TJP1: variants seen among roughly 807,000 people sequenced by gnomAD.
The protein encoded by TJP1 is tight junction protein ZO-1.
In TJP1, 43 loss-of-function variants were observed where a neutral mutation model predicts 194.2. The observed-to-expected ratio is 0.22, with a 90% CI of 0.17 to 0.29. TJP1 has a LOEUF of 0.29. Ranked by LOEUF, TJP1 falls within the 10% of genes least tolerant of loss-of-function variation. The pLI is 1.00. For missense variants in TJP1, 1,971 were observed against 2,185.7 expected, an observed-to-expected ratio of 0.90 and a Z score of 1.96; for synonymous variants, 801 against 779.0, an observed-to-expected ratio of 1.03 and a Z score of -0.47.
intron 2 of TJP1, among the ~76,000 whole-genome samples, chr15:29,936,778 C>T (rs989739228): frequency 6.6e-6 from 1 of 152,184 alleles, no homozygotes; most frequent in Non-Finnish European, 1.5e-5. Flanking sequence ...GAATGAAGTA[C>T]TGTTATTGCT....
chr15:29,821,905 A>C (rs2050396910), intron 1 of TJP1, 97 bp downstream of exon 1: 1 of 1,092,986 alleles, frequency 9.1e-7, no homozygotes, highest in Non-Finnish European at 1.1e-6. Context: ...GGGCCCAGAC[A>C]GCCGCCAGCG....
intron 2 of TJP1, among the ~76,000 whole-genome samples, chr15:29,859,640 T>TG (rs1235374935): frequency 1.3e-5 from 2 of 152,098 alleles, no homozygotes; most frequent in Non-Finnish European, 2.9e-5. Context: ...TAATCTGGGT[T>TG]GGGGAGTGGC....
At chr15:29,767,452 C>T (rs1208547211) in intron 4 of TJP1, among the ~76,000 whole-genome samples, 2 of 152,150 alleles carry the variant, frequency 1.3e-5, no homozygotes, top group African/African-American at 2.4e-5. Context: ...TGGTTTCACT[C>T]GCATTCCCCC....
At chr15:29,896,114 T>C (rs2152181000) in intron 2 of TJP1, among the ~76,000 whole-genome samples, 1 of 152,274 alleles carries the variant, frequency 6.6e-6, no homozygotes, top group South Asian at 2.1e-4. Flanking sequence ...AGCATATGAA[T>C]TTTGAGGGAG....
At chr15:29,768,606 C>G (rs1457548210) in intron 4 of TJP1, among the ~76,000 whole-genome samples, 2 of 152,092 alleles carry the variant, frequency 1.3e-5, no homozygotes, top group Non-Finnish European at 2.9e-5. Flanking sequence ...GTATGTATAC[C>G]TATCCAGCCC....
intron 2 of TJP1, among the ~76,000 whole-genome samples, chr15:29,930,608 T>C (rs1487721196): frequency 6.9e-6 from 1 of 144,166 alleles, no homozygotes; most frequent in Non-Finnish European, 1.5e-5. Context: ...TACAAAAACA[T>C]ACAGCAAATA....
rs1393418046 is a variant in TJP1 at position 29,700,201 on chromosome 15, A to G, written c.*1394T>C. 2 of 398,882 alleles carry G rather than the reference A, an allele frequency of 5.0e-6. No homozygotes were observed. The highest frequency in any genetic ancestry group is 4.1e-5 in the African/African-American group (2 of 48,640). 24.7% of individuals were successfully genotyped at this position (398,882 alleles called of 1,614,324 possible). On this transcript the variant is annotated 3_prime_UTR_variant, in exon 28 of 28. Coordinates refer to ENST00000614355, the MANE Select transcript of TJP1 (RefSeq NM_001330239.4). ...GAGATTTAGAAATTTGAGATTTTTA[A>G]TAACGGCAAAAGAAATTCAGTCACA...
intron 2 of TJP1, among the ~76,000 whole-genome samples, chr15:29,928,867 A>C (rs796270657): frequency 1.3e-5 from 2 of 151,928 alleles, no homozygotes; most frequent in Non-Finnish European, 2.9e-5. Flanking sequence ...GCGTGAACCC[A>C]GGAGGCGGAG....
chr15:29,795,064 A>G (rs1013447644), intron 2 of TJP1, among the ~76,000 whole-genome samples: 19 of 152,242 alleles, frequency 1.2e-4, no homozygotes, highest in Non-Finnish European at 2.6e-4. Flanking sequence ...AAATAAGGGA[A>G]TATTATGAAC....
At chr15:29,704,492 G>A (rs368959239) in intron 26 of TJP1, among the ~76,000 whole-genome samples, 187 bp from the exon 27 acceptor site, 155 of 152,264 alleles carry the variant, frequency 1.0e-3, no homozygotes, top group African/African-American at 3.5e-3. Context: ...CAGTAGCCAC[G>A]TTAGAAAGTA....
chr15:29,873,950 C>T (rs925327188), intron 2 of TJP1, among the ~76,000 whole-genome samples: 2 of 152,144 alleles, frequency 1.3e-5, no homozygotes, highest in Non-Finnish European at 2.9e-5. Flanking sequence ...ATAGCTTTTA[C>T]CCAACAGGCT....
chr15:29,787,218 A>G (rs2047755593), intron 2 of TJP1, among the ~76,000 whole-genome samples: 2 of 152,150 alleles, frequency 1.3e-5, no homozygotes, highest in African/African-American at 2.4e-5. Context: ...CTGGTTACAG[A>G]TGGTGCCAGG....
intron 2 of TJP1, among the ~76,000 whole-genome samples, chr15:29,871,552 G>A (rs551016743): frequency 6.6e-6 from 1 of 152,378 alleles, no homozygotes; most frequent in South Asian, 2.1e-4. Flanking sequence ...CGTGGGAGAG[G>A]CGCAACCGCC....
intron 8 of TJP1, among the ~76,000 whole-genome samples, chr15:29,749,312 G>A (rs1024794122): frequency 9.2e-5 from 14 of 152,204 alleles, no homozygotes; most frequent in Admixed American, 5.2e-4. Flanking sequence ...CGGACTCACT[G>A]TTAAGCAGAG....
chr15:29,720,766 T>G, intron 18 of TJP1, 58 bp from the exon 19 acceptor site: 1 of 1,341,558 alleles, frequency 7.5e-7, no homozygotes, highest in Non-Finnish European at 1.0e-6. Flanking sequence ...AGAGATGGCC[T>G]TTATCGTACA....
At chr15:29,874,267 C>T (rs1447788078) in intron 2 of TJP1, among the ~76,000 whole-genome samples, 6 of 152,184 alleles carry the variant, frequency 3.9e-5, no homozygotes, top group African/African-American at 1.4e-4. Context: ...AGAACGCCTG[C>T]AGGGTGACAG....
At chr15:29,950,173 TACCTCCACCTCCACCA>T (rs1567228328) in intron 2 of TJP1, among the ~76,000 whole-genome samples, 5 of 16,746 alleles carry the variant, frequency 3.0e-4, no homozygotes, top group Non-Finnish European at 1.4e-4. Flanking sequence ...CCACAACCAC[TACCTCCACCTCCACCA>T]CCACCACCAC....
chr15:29,740,000 T>G (rs533803451), intron 10 of TJP1, among the ~76,000 whole-genome samples: 2 of 151,732 alleles, frequency 1.3e-5, no homozygotes, highest in African/African-American at 4.8e-5. Context: ...TTTTCTTTTT[T>G]TTTTTGAGAC....
chr15:29,771,917 G>A (rs2046712849), intron 4 of TJP1, 147 bp downstream of exon 4: 1 of 555,646 alleles, frequency 1.8e-6, no homozygotes, highest in African/African-American at 1.9e-5. Flanking sequence ...CCACACCAGT[G>A]TTAGAAGAAA....
Sources: gnomAD v4.1 joint callset for allele counts (sites outside exome capture counted in the v4.1 genomes callset) on GRCh38, gnomAD v4.1.1 for gene constraint, MANE v1.5 for transcripts, NCBI Gene and HGNC (gene_info 2026-07-23, HGNC 2026-07-21) for gene names.